Variants in FHIT observed in about 807,000 individuals in gnomAD.
FHIT encodes bis(5'-adenosyl)-triphosphatase.
Under a neutral mutation model 17.9 loss-of-function variants are expected in FHIT, and 19 were observed. The ratio of observed to expected loss-of-function variants is 1.06; its 90% CI spans 0.74 to 1.56. The LOEUF is 1.56. Ranked by LOEUF, FHIT falls within the 40% of genes most tolerant of loss-of-function variation. FHIT has a pLI of 0.00. For synonymous variants in FHIT, 81 were observed against 69.7 expected, an observed-to-expected ratio of 1.16 and a Z score of -0.81; for missense variants, 248 against 189.2, an observed-to-expected ratio of 1.31 and a Z score of -1.82.
At chr3:60,498,251 C>T (rs2034383753) in intron 5 of FHIT, among the ~76,000 whole-genome samples, 1 of 152,078 alleles carries the variant, frequency 6.6e-6, no homozygotes, top group Non-Finnish European at 1.5e-5. Flanking sequence ...ATGTTTTAAT[C>T]AGTGTAAAAA....
At chr3:60,254,398 A>AT (rs1217738687) in intron 5 of FHIT, among the ~76,000 whole-genome samples, 3 of 152,098 alleles carry the variant, frequency 2.0e-5, no homozygotes, top group Non-Finnish European at 2.9e-5. Flanking sequence ...AAATAAAATG[A>AT]TTTTTCCCAA....
chr3:59,857,709 T>TTTTTTTTC, intron 8 of FHIT, among the ~76,000 whole-genome samples: 1 of 148,594 alleles, frequency 6.7e-6, no homozygotes, highest in South Asian at 2.2e-4. Flanking sequence ...TGCTGGGTTT[T>TTTTTTTTC]TTTTTTTTTT....
At chr3:59,907,555 G>C (rs975196944) in intron 8 of FHIT, among the ~76,000 whole-genome samples, 3 of 152,214 alleles carry the variant, frequency 2.0e-5, no homozygotes, top group Non-Finnish European at 2.9e-5. Context: ...AGTCAAGAGA[G>C]ATAAAGCAAG....
chr3:60,028,663 G>A (rs952646456), intron 5 of FHIT, among the ~76,000 whole-genome samples: 3 of 152,124 alleles, frequency 2.0e-5, no homozygotes, highest in African/African-American at 7.2e-5. Flanking sequence ...CCCCAGAAGT[G>A]CACTTTGAAT....
At chr3:60,297,962 A>G (rs79059027) in intron 5 of FHIT, among the ~76,000 whole-genome samples, 3,538 of 152,154 alleles carry the variant, frequency 0.023, 146 homozygotes, top group African/African-American at 0.08. Context: ...CCTCCTCTTC[A>G]TGTTCAAGAA....
intron 5 of FHIT, among the ~76,000 whole-genome samples, chr3:60,420,554 T>G (rs1332542294): frequency 6.6e-6 from 1 of 152,146 alleles, no homozygotes; most frequent in African/African-American, 2.4e-5. Flanking sequence ...GCATTGGATG[T>G]CATATATTAT....
chr3:61,243,525 T>C (rs1457385111), intron 1 of FHIT, among the ~76,000 whole-genome samples: 3 of 152,222 alleles, frequency 2.0e-5, no homozygotes, highest in Admixed American at 6.5e-5. Flanking sequence ...ATAGGCAGCC[T>C]TTCTAGAAGT....
chr3:60,086,000 T>A (rs1384193671), intron 5 of FHIT, among the ~76,000 whole-genome samples: 2 of 152,180 alleles, frequency 1.3e-5, no homozygotes, highest in African/African-American at 4.8e-5. Flanking sequence ...GAGGTTTATT[T>A]GGCTCATGAT....
At chr3:60,057,213 G>T (rs1054726188) in intron 5 of FHIT, among the ~76,000 whole-genome samples, 1 of 152,154 alleles carries the variant, frequency 6.6e-6, no homozygotes, top group Non-Finnish European at 1.5e-5. Context: ...AAAACTTTGA[G>T]TGGTATTATT....
chr3:60,684,138 C>A (rs2107868714), intron 4 of FHIT, among the ~76,000 whole-genome samples: 1 of 152,112 alleles, frequency 6.6e-6, no homozygotes, highest in South Asian at 2.1e-4. Flanking sequence ...GCTCTGGAAG[C>A]CAGAAGCCCA....
intron 8 of FHIT, among the ~76,000 whole-genome samples, chr3:59,828,573 G>A (rs946387798): frequency 6.6e-5 from 10 of 152,110 alleles, no homozygotes; most frequent in Non-Finnish European, 1.2e-4. Flanking sequence ...CCAGAAAGAC[G>A]CTAGATACAA....
At chr3:61,176,585 T>C (rs1044831732) in intron 2 of FHIT, among the ~76,000 whole-genome samples, 1 of 152,194 alleles carries the variant, frequency 6.6e-6, no homozygotes. Flanking sequence ...CCCAATTCAC[T>C]TAAGAATTTG....
chr3:60,763,504 G>A (rs993779226), intron 4 of FHIT, among the ~76,000 whole-genome samples: 3 of 152,114 alleles, frequency 2.0e-5, no homozygotes, highest in African/African-American at 7.2e-5. Flanking sequence ...GTGAAGGTAG[G>A]TACTATTTTG....
chr3:60,976,089 T>C lies in FHIT; in HGVS notation c.-111+65958A>G, dbSNP rs374937491. 4.4e-4 allele frequency among the ~76,000 whole-genome samples: 62 copies of C among 140,498 alleles called. 1 individual carries two copies. The highest frequency in any genetic ancestry group is 1.5e-3 in the African/African-American group (55 of 36,552). 92.2% of individuals were successfully genotyped at this position (140,498 alleles called of 152,430 possible). A position where few individuals can be genotyped will look rare whatever the true frequency, so the allele number is the denominator to read the frequency against. On this transcript the variant is annotated intron_variant, in intron 3 of 9. Transcript: ENST00000492590. ...AAACATACTTTGTATCTTTCGTTTT[T>C]CTTTTTCTTTTTTTTTTTTTTTTTT...
chr3:60,408,314 A>G (rs1701947926), intron 5 of FHIT, among the ~76,000 whole-genome samples: 1 of 152,090 alleles, frequency 6.6e-6, no homozygotes, highest in Admixed American at 6.6e-5. Context: ...TGAACATTTA[A>G]TGCCAACAAA....
chr3:61,133,394 G>A (rs1216193583), intron 2 of FHIT, among the ~76,000 whole-genome samples: 2 of 152,144 alleles, frequency 1.3e-5, no homozygotes, highest in African/African-American at 4.8e-5. Flanking sequence ...ATCACATAAA[G>A]ACTTCTATAC....
intron 3 of FHIT, among the ~76,000 whole-genome samples, chr3:60,925,171 A>G (rs1031058401): frequency 3.9e-5 from 6 of 152,222 alleles, no homozygotes; most frequent in African/African-American, 1.4e-4. Flanking sequence ...CCAATCTAGC[A>G]AGGACGGCCA....
intron 1 of FHIT, among the ~76,000 whole-genome samples, chr3:61,210,903 T>G (rs1181176873): frequency 1.3e-5 from 2 of 151,926 alleles, no homozygotes; most frequent in Non-Finnish European, 2.9e-5. Flanking sequence ...TCGCTCACAC[T>G]GGGAGCTGTA....
chr3:60,589,649 A>G (rs555635548), intron 4 of FHIT, among the ~76,000 whole-genome samples: 1 of 152,226 alleles, frequency 6.6e-6, no homozygotes, highest in East Asian at 1.9e-4. Context: ...TGGCAAGGGC[A>G]AAGGATACAG....
Sources: gnomAD v4.1 joint callset for allele counts (sites outside exome capture counted in the v4.1 genomes callset) on GRCh38, gnomAD v4.1.1 for gene constraint, MANE v1.5 for transcripts, NCBI Gene and HGNC (gene_info 2026-07-23, HGNC 2026-07-21) for gene names.